ZNF45: variants seen among roughly 807,000 people sequenced by gnomAD.
The protein encoded by ZNF45 is zinc finger protein 45.
Under a neutral mutation model 12.0 loss-of-function variants are expected in ZNF45, and 4 were observed. The observed-to-expected ratio is 0.33, with a 90% CI of 0.16 to 0.76. The LOEUF is 0.76. Among genes scored for constraint, ZNF45 ranks in the 30% least tolerant of loss-of-function variants. ZNF45 has a pLI of 0.60. For missense variants in ZNF45, 700 were observed against 813.0 expected, an observed-to-expected ratio of 0.86 and a Z score of 1.69; for synonymous variants, 272 against 279.6, an observed-to-expected ratio of 0.97 and a Z score of 0.27.
At chr19:43,930,221 G>A (rs1293792967) in intron 3 of ZNF45, among the ~76,000 whole-genome samples, 1 of 152,076 alleles carries the variant, frequency 6.6e-6, no homozygotes. Context: ...TCTCTCTGAA[G>A]CCTCTTTTAT....
At chr19:43,917,452 T>C (rs1599767011) in intron 9 of ZNF45, among the ~76,000 whole-genome samples, 1 of 152,072 alleles carries the variant, frequency 6.6e-6, no homozygotes, top group East Asian at 1.9e-4. Flanking sequence ...TAGTTTGTCA[T>C]GTCTGTATAT....
In ZNF45 at chr19:43,915,101, G is replaced by C. The variant is rs778480302; in HGVS notation, c.335C>G (p.Thr112Arg). 3.1e-6 allele frequency: 5 copies of C among 1,608,096 alleles called. No individual in the cohort carries two copies. In the Admixed American group the frequency reaches 8.5e-5, roughly 27 times the overall value. The change falls in exon 10 of 10, where the codon ACA becomes AGA. Residue 112 changes from threonine (T) to arginine (R), a missense_variant. Coordinates refer to ENST00000269973, the MANE Select transcript of ZNF45 (RefSeq NM_003425.4). ...LFCSQIWQQITRELIKYQDSV... is the reference protein window; with the variant it reads ...LFCSQIWQQIRRELIKYQDSV... ...ATCTTGATACTTGATTAACTCTCTT[G>C]TAATCTGTTGCCAGATCTGGGAGCA...
chr19:43,932,851 G>T (rs1430440420), intron 2 of ZNF45, among the ~76,000 whole-genome samples, 161 bp from the exon 3 acceptor site: 2 of 152,306 alleles, frequency 1.3e-5, no homozygotes, highest in African/African-American at 4.8e-5. Flanking sequence ...AAAAACCTCA[G>T]AGTTACTGTT....
intron 3 of ZNF45, among the ~76,000 whole-genome samples, chr19:43,929,437 A>C (rs1973947595): frequency 6.6e-6 from 1 of 152,220 alleles, no homozygotes; most frequent in Admixed American, 6.5e-5. Context: ...ACTAACAACC[A>C]AAATTATGTG....
At position 43,913,542 on chromosome 19, in the gene ZNF45, T is replaced by G; in HGVS notation, c.1894A>C (p.Arg632=). The G allele has an allele frequency of 6.2e-7, 1 of 1,613,830 alleles. No homozygotes were observed. The highest frequency in any genetic ancestry group is 8.5e-7 in the Non-Finnish European group (1 of 1,179,884). The part of the protein sequence containing the change: ...SWSSYLQAHQ[R]VHTGEKPYKC... ...TATGGTTTTTCTCCGGTGTGAACTC[T>G]TTGATGGGCTTGAAGGTATGAGCTC... Residue 632 remains arginine (R), a synonymous_variant, in exon 10 of 10, where the codon AGA becomes CGA. Coordinates refer to ENST00000269973, the MANE Select transcript of ZNF45 (RefSeq NM_003425.4).
chr19:43,930,602 C>T (rs1445764753), intron 3 of ZNF45, among the ~76,000 whole-genome samples: 2 of 152,138 alleles, frequency 1.3e-5, no homozygotes, highest in East Asian at 3.8e-4. Flanking sequence ...ATTATCAGCT[C>T]CCTGCTCCTC....
Position 43,914,070 on chromosome 19 carries a change from C to A in ZNF45, c.1366G>T (p.Ala456Ser), listed in dbSNP as rs1483494244. The A allele has an allele frequency of 6.2e-7, 1 of 1,613,778 alleles. No homozygotes were observed. The highest frequency in any genetic ancestry group is 8.5e-7 in the Non-Finnish European group (1 of 1,179,876). Reference sequence around the variant, plus strand: ...CTTTGATGGGCCAGAAGATTTGAGGCCTGGCTGAAGCCCTTGCCACACTCC... The same window carrying A: ...CTTTGATGGGCCAGAAGATTTGAGGACTGGCTGAAGCCCTTGCCACACTCC... The part of the protein sequence containing the change: ...CEECGKGFSQ[A>S]SNLLAHQRGH... Residue 456 changes from alanine to serine, a missense_variant, in exon 10 of 10, where the codon GCC (alanine) becomes TCC (serine). By Grantham distance (99) the Ala-to-Ser change is moderately conservative. Transcript: ENST00000269973.
chr19:43,922,783 C>G (rs1341151624), intron 6 of ZNF45, among the ~76,000 whole-genome samples: 2 of 149,944 alleles, frequency 1.3e-5, no homozygotes, highest in South Asian at 2.1e-4. Context: ...TAACATAAAA[C>G]CTGTGCTCAT....
At chr19:43,917,390 A>C (rs1241565455) in intron 9 of ZNF45, among the ~76,000 whole-genome samples, 6 of 152,242 alleles carry the variant, frequency 3.9e-5, no homozygotes, top group Non-Finnish European at 5.9e-5. Context: ...ACATTGTAAT[A>C]ATGGAAACTT....
chr19:43,932,662 A>G lies in ZNF45; in HGVS notation c.-458T>C, dbSNP rs940194197. ...TGGGTACTCTTGAGAAGAATATGAT[A>G]ATGTCCATGAAACAGAGGTCCCTGA... On this transcript the variant is annotated 5_prime_UTR_variant, in exon 3 of 10. Transcript: ENST00000269973. The G allele has an allele frequency of 6.6e-6, 1 of 152,210 alleles. No individual in the cohort carries two copies. Among genetic ancestry groups the G allele is most frequent in the South Asian group, 2.1e-4 (1 of 4,828 alleles). The allele number at this position is 152,210 out of a possible 1,614,324, so 9.4% of individuals were successfully genotyped here.
intron 9 of ZNF45, among the ~76,000 whole-genome samples, chr19:43,916,003 C>T (rs74571766): frequency 0.023 from 3,521 of 152,236 alleles, 147 homozygotes; most frequent in African/African-American, 0.078. Flanking sequence ...TCCATAACCA[C>T]CAGGGGGGTT....
rs778015115 is a variant in ZNF45 at position 43,914,484 on chromosome 19, G to A, written c.952C>T (p.Arg318Ter). ...TGGATTCGCTCATGAGCCTGCAGTC[G>A]TGAACGCCAACTGAAGCTCTTCCCA... ...ECGKSFSWRS[R>*]LQAHERIHTG... The change falls in exon 10 of 10, where the codon CGA becomes TGA. Residue 318 changes from arginine (R) to a stop codon, truncating the protein, a stop_gained. Coordinates refer to ENST00000269973, the MANE Select transcript of ZNF45 (RefSeq NM_003425.4). LOFTEE classifies it low-confidence loss of function (END_TRUNC). The A allele has an allele frequency of 1.7e-5, 28 of 1,613,394 alleles. No homozygotes were observed. Among genetic ancestry groups the A allele is most frequent in the Admixed American group, 3.3e-5 (2 of 59,990 alleles).
At chr19:43,921,345 T>A (rs2146947704) in intron 7 of ZNF45, among the ~76,000 whole-genome samples, 1 of 152,302 alleles carries the variant, frequency 6.6e-6, no homozygotes, top group East Asian at 1.9e-4. Context: ...GCTAGACTTT[T>A]AAAATTAAGT....
chr19:43,934,020 A>C (rs2147272730), intron 2 of ZNF45, among the ~76,000 whole-genome samples: 1 of 152,310 alleles, frequency 6.6e-6, no homozygotes, highest in Non-Finnish European at 1.5e-5. Flanking sequence ...ATGATTATTT[A>C]TATGGATCAT....
chr19:43,931,016 G>A lies in ZNF45; in HGVS notation c.-400+1588C>T, dbSNP rs115727245. Among the ~76,000 whole-genome samples, 300 of 151,298 alleles carry A rather than the reference G, an allele frequency of 2.0e-3. 1 individual carries two copies. The highest frequency in any genetic ancestry group is 6.7e-3 in the African/African-American group (276 of 41,150). ...TTTCAGGTGCTCAATAATCACATGCGGCTAATGGCTACACTATTGGATAGT... is the reference window on the plus strand; with the variant it reads ...TTTCAGGTGCTCAATAATCACATGCAGCTAATGGCTACACTATTGGATAGT... On this transcript the variant is annotated intron_variant, in intron 3 of 9. Coordinates refer to ENST00000269973, the MANE Select transcript of ZNF45 (RefSeq NM_003425.4).
At position 43,913,294 on chromosome 19, in the gene ZNF45, C is replaced by G; in HGVS notation, c.*93G>C. On this transcript the variant is annotated 3_prime_UTR_variant, in exon 10 of 10. Coordinates refer to ENST00000269973, the MANE Select transcript of ZNF45 (RefSeq NM_003425.4). Reference sequence around the variant, plus strand: ...GCTGTGTGGTCTCCCAATCACTTGGCTGAACTACTGACTCTATAAAACAAA... The same window carrying G: ...GCTGTGTGGTCTCCCAATCACTTGGGTGAACTACTGACTCTATAAAACAAA... The G allele has an allele frequency of 6.9e-7, 1 of 1,444,668 alleles. No homozygotes were observed. Among genetic ancestry groups the G allele is most frequent in the Non-Finnish European group, 9.2e-7 (1 of 1,081,724 alleles). The allele number at this position is 1,444,668 out of a possible 1,614,324, so 89.5% of individuals were successfully genotyped here.
At chr19:43,919,506 C>T in intron 8 of ZNF45, 67 bp downstream of exon 8, 3 of 1,555,178 alleles carry the variant, frequency 1.9e-6, no homozygotes, top group Non-Finnish European at 2.6e-6. Context: ...CTCCAAAGCC[C>T]TGTATACCCA....
chr19:43,933,401 C>T (rs1326089352), intron 2 of ZNF45, among the ~76,000 whole-genome samples: 1 of 152,074 alleles, frequency 6.6e-6, no homozygotes, highest in Non-Finnish European at 1.5e-5. Flanking sequence ...TTGCAGTGAG[C>T]TGAGATCGTA....
chr19:43,918,935 G>A lies in ZNF45; in HGVS notation c.170C>T (p.Pro57Leu), dbSNP rs1424851014. The A allele has an allele frequency of 3.1e-6, 5 of 1,613,958 alleles. No homozygotes were observed. Among genetic ancestry groups the A allele is most frequent in the African/African-American group, 2.7e-5 (2 of 74,904 alleles). Residue 57 changes from proline to leucine, a missense_variant, in exon 9 of 10, where the codon CCA (proline) becomes CTA (leucine). Transcript: ENST00000269973. ...CAGCTTTTCTTCTCTCTCTAACTGT[G>A]GTAGGCCATCTGGTGTGGACTGATG... ...VGHQSTPDGL[P>L]QLEREEKLWM... is the part of the protein sequence containing the mutation.
Sources: allele counts gnomAD v4.1 joint callset (sites outside exome capture counted in the v4.1 genomes callset), GRCh38; gene constraint gnomAD v4.1.1; transcripts MANE v1.5; gene names NCBI Gene and HGNC (gene_info 2026-07-23, HGNC 2026-07-21).